Variants in PDGFC observed in about 807,000 individuals in gnomAD.
The protein encoded by PDGFC is platelet derived growth factor C.
Under a neutral mutation model 35.5 loss-of-function variants are expected in PDGFC, and 12 were observed. That is an observed-to-expected ratio of 0.34 (90% CI 0.22 to 0.55). The LOEUF is 0.55. Among genes scored for constraint, PDGFC ranks in the 20% least tolerant of loss-of-function variants. The pLI is 0.91. For missense variants in PDGFC, 322 were observed against 412.4 expected (o/e 0.78, Z 1.90); for synonymous variants, 159 against 148.8 (o/e 1.07, Z -0.50).
At chr4:156,934,932 T>A (rs4382082) in intron 1 of PDGFC, among the ~76,000 whole-genome samples, 9 of 151,786 alleles carry the variant, frequency 5.9e-5, no homozygotes, top group Non-Finnish European at 1.0e-4. Flanking sequence ...TAATAATGCC[T>A]TCTTCTGGAA....
chr4:156,875,363 C>A (rs2111155607), intron 1 of PDGFC, among the ~76,000 whole-genome samples: 1 of 152,228 alleles, frequency 6.6e-6, no homozygotes, highest in South Asian at 2.1e-4. Flanking sequence ...CCACTGAGAA[C>A]TGGGCTGAAT....
intron 1 of PDGFC, among the ~76,000 whole-genome samples, chr4:156,928,424 T>A (rs922855631): frequency 6.6e-6 from 1 of 152,148 alleles, no homozygotes; most frequent in Non-Finnish European, 1.5e-5. Flanking sequence ...CTTAGATCTG[T>A]AACCGTGGGA....
chr4:156,831,814 G>A (rs536397067), intron 2 of PDGFC, among the ~76,000 whole-genome samples: 3 of 151,936 alleles, frequency 2.0e-5, no homozygotes, highest in Non-Finnish European at 2.9e-5. Context: ...ACTGTATTTC[G>A]AGTAATAAAT....
At chr4:156,963,942 A>G (rs1732400953) in intron 1 of PDGFC, among the ~76,000 whole-genome samples, 1 of 151,878 alleles carries the variant, frequency 6.6e-6, no homozygotes, top group South Asian at 2.1e-4. Flanking sequence ...CAAGCCATTC[A>G]AGTTTATAGC....
intron 1 of PDGFC, among the ~76,000 whole-genome samples, chr4:156,945,548 G>A (rs986281605): frequency 6.6e-6 from 1 of 151,462 alleles, no homozygotes; most frequent in Non-Finnish European, 1.5e-5. Flanking sequence ...AAGCAGGGGG[G>A]CAAATGAATT....
At chr4:156,900,781 G>A (rs1730749253) in intron 1 of PDGFC, among the ~76,000 whole-genome samples, 1 of 152,046 alleles carries the variant, frequency 6.6e-6, no homozygotes, top group African/African-American at 2.4e-5. Flanking sequence ...GTTGCAGTGA[G>A]CAGAGATCCT....
chr4:156,780,107 G>GT (rs35403686), intron 3 of PDGFC, among the ~76,000 whole-genome samples: 16,770 of 124,946 alleles, frequency 0.13, 1,418 homozygotes, highest in African/African-American at 0.24. Context: ...CAAAATTAAG[G>GT]TTTTTTTTTT....
chr4:156,966,789 G>A (rs1321704374), intron 1 of PDGFC, among the ~76,000 whole-genome samples: 1 of 152,140 alleles, frequency 6.6e-6, no homozygotes, highest in African/African-American at 2.4e-5. Context: ...CGATATATTA[G>A]TCCCTGAGGC....
At chr4:156,787,511 T>A (rs1731161152) in intron 3 of PDGFC, among the ~76,000 whole-genome samples, 1 of 152,118 alleles carries the variant, frequency 6.6e-6, no homozygotes, top group African/African-American at 2.4e-5. Flanking sequence ...CGTGAGCAGT[T>A]GCTGAGAAGA....
intron 1 of PDGFC, among the ~76,000 whole-genome samples, chr4:156,913,631 G>T (rs186458450): frequency 6.6e-6 from 1 of 152,048 alleles, no homozygotes; most frequent in African/African-American, 2.4e-5. Context: ...GAATTCCTAA[G>T]ACCCCAATAA....
chr4:156,817,523 T>C (rs1211260273), intron 2 of PDGFC, among the ~76,000 whole-genome samples: 1 of 152,166 alleles, frequency 6.6e-6, no homozygotes, highest in Non-Finnish European at 1.5e-5. Context: ...AAAGTTAAGA[T>C]ACTAATAACT....
chr4:156,804,267 G>A (rs968047717), intron 3 of PDGFC, among the ~76,000 whole-genome samples: 3 of 151,710 alleles, frequency 2.0e-5, no homozygotes, highest in Admixed American at 6.6e-5. Flanking sequence ...AAAAGTAATC[G>A]TATTCTGATC....
intron 1 of PDGFC, among the ~76,000 whole-genome samples, chr4:156,900,875 A>G (rs979669716): frequency 2.2e-5 from 3 of 134,322 alleles, no homozygotes; most frequent in Non-Finnish European, 3.2e-5. Context: ...GGATGAAGGA[A>G]GGAGGGAGGA....
intron 1 of PDGFC, among the ~76,000 whole-genome samples, chr4:156,881,896 T>G (rs965615441): frequency 6.6e-6 from 1 of 151,576 alleles, no homozygotes; most frequent in East Asian, 1.9e-4. Context: ...CTGCCATCCA[T>G]GTAAGACATG....
At chr4:156,794,039 T>C (rs1339780272) in intron 3 of PDGFC, among the ~76,000 whole-genome samples, 1 of 152,166 alleles carries the variant, frequency 6.6e-6, no homozygotes, top group East Asian at 1.9e-4. Context: ...ACATGGATGA[T>C]ATAATTTGTA....
At chr4:156,770,979 G>T (rs1730679325) in intron 4 of PDGFC, among the ~76,000 whole-genome samples, 1 of 152,240 alleles carries the variant, frequency 6.6e-6, no homozygotes, top group Middle Eastern at 3.4e-3. Flanking sequence ...CTCAGGAGGG[G>T]AGTTGGTTTT....
intron 1 of PDGFC, among the ~76,000 whole-genome samples, chr4:156,948,214 C>CT (rs1731993415): frequency 7.1e-6 from 1 of 141,640 alleles, no homozygotes; most frequent in South Asian, 2.2e-4. Context: ...GGATGTACAG[C>CT]TAAAAAAAAA....
At chr4:156,830,855 T>C (rs1213720355) in intron 2 of PDGFC, among the ~76,000 whole-genome samples, 1 of 152,230 alleles carries the variant, frequency 6.6e-6, no homozygotes, top group East Asian at 1.9e-4. Flanking sequence ...CCACTTCCAC[T>C]TCTCCTTCAG....
At chr4:156,895,594 T>G (rs1461995229) in intron 1 of PDGFC, among the ~76,000 whole-genome samples, 1 of 150,200 alleles carries the variant, frequency 6.7e-6, no homozygotes, top group African/African-American at 2.5e-5. Flanking sequence ...ATCGTGCCAC[T>G]GCACTCCAGC....
Sources: allele counts gnomAD v4.1 joint callset (sites outside exome capture counted in the v4.1 genomes callset), GRCh38; gene constraint gnomAD v4.1.1; transcripts MANE v1.5; gene names NCBI Gene and HGNC (gene_info 2026-07-23, HGNC 2026-07-21).